Variants in WDR59 observed in about 807,000 individuals in gnomAD.
WDR59 encodes the protein WD repeat domain 59, also known as GATOR2 complex protein WDR59.
In WDR59, 100 loss-of-function variants were observed where a neutral mutation model predicts 131.2. The observed-to-expected ratio is 0.76, with a 90% CI of 0.65 to 0.90. The LOEUF (loss-of-function observed/expected upper bound fraction) is 0.90. Among genes scored for constraint, WDR59 ranks in the 40% least tolerant of loss-of-function variants. The probability of loss-of-function intolerance (pLI) is 0.00; values close to 1 mark genes in which losing one functional copy is unlikely to be tolerated. For synonymous variants in WDR59, 601 were observed against 466.2 expected, an observed-to-expected ratio of 1.29 and a Z score of -3.72; for missense variants, 1,203 against 1,262.2, an observed-to-expected ratio of 0.95 and a Z score of 0.71.
rs1488048351 is a variant in WDR59, at chr16:74,889,747, T to C, written c.2151A>G (p.Thr717=). 6.2e-7 allele frequency: 1 copy of C among 1,614,108 alleles called. No homozygotes were observed. Among genetic ancestry groups the C allele is most frequent in the Non-Finnish European group, 8.5e-7 (1 of 1,180,014 alleles). ...GCCCAAATGGATGTCGAGCCCAGGG[T>C]GTTTCCAAATCTGGGTCAGATTTCG... is the stretch of plus-strand genomic sequence containing the variant. The part of the protein sequence containing the change: ...LGPKSDPDLE[T]PWARHPFGRQ... Residue 717 remains threonine, a synonymous_variant, in exon 21 of 26, where the codon ACA becomes ACG. Coordinates refer to ENST00000262144, the MANE Select transcript of WDR59 (RefSeq NM_030581.4).
intron 8 of WDR59, among the ~76,000 whole-genome samples, chr16:74,931,734 C>G (rs1161198335): frequency 6.6e-6 from 1 of 151,548 alleles, no homozygotes; most frequent in Non-Finnish European, 1.5e-5. Flanking sequence ...ATTAGCCAGG[C>G]ATTGTGGCTT....
At chr16:74,963,997 G>T (rs1227130395) in intron 2 of WDR59, among the ~76,000 whole-genome samples, 2 of 151,790 alleles carry the variant, frequency 1.3e-5, no homozygotes, top group East Asian at 3.9e-4. Context: ...TTCAAGACCA[G>T]CCTGGGCAAC....
At chr16:74,949,415 A>T (rs1597782123) in intron 5 of WDR59, among the ~76,000 whole-genome samples, 1 of 127,458 alleles carries the variant, frequency 7.8e-6, no homozygotes, top group Non-Finnish European at 1.6e-5. Flanking sequence ...GGTGAAAATG[A>T]GGGAGGAAAG....
At chr16:74,913,602 C>T (rs1247313577) in intron 13 of WDR59, among the ~76,000 whole-genome samples, 1 of 152,100 alleles carries the variant, frequency 6.6e-6, no homozygotes, top group Non-Finnish European at 1.5e-5. Flanking sequence ...AGTATTCTGA[C>T]TTTAACAAAG....
intron 1 of WDR59, among the ~76,000 whole-genome samples, chr16:74,971,466 T>C (rs1377219580): frequency 1.5e-5 from 2 of 137,302 alleles, no homozygotes; most frequent in African/African-American, 2.7e-5. Context: ...GGAGTCTTGC[T>C]CTGTCACCCA....
chr16:74,935,932 G>A (rs1015718833), intron 8 of WDR59, among the ~76,000 whole-genome samples: 1 of 151,706 alleles, frequency 6.6e-6, no homozygotes, highest in Admixed American at 6.6e-5. Context: ...GGGAGACGGA[G>A]GTTGCAGTGA....
At chr16:74,956,832 G>C (rs1027959898) in intron 2 of WDR59, among the ~76,000 whole-genome samples, 3 of 152,148 alleles carry the variant, frequency 2.0e-5, no homozygotes, top group Admixed American at 2.0e-4. Context: ...CCCACCTCCA[G>C]AGATGGCCTT....
intron 8 of WDR59, among the ~76,000 whole-genome samples, chr16:74,929,912 G>C (rs1386694189): frequency 6.6e-6 from 1 of 152,192 alleles, no homozygotes. Context: ...ATTATGTTCA[G>C]TGAAACAAGC....
chr16:74,936,052 C>T (rs1462471434), intron 8 of WDR59, among the ~76,000 whole-genome samples: 1 of 151,576 alleles, frequency 6.6e-6, no homozygotes, highest in Non-Finnish European at 1.5e-5. Flanking sequence ...AATCAAATAC[C>T]ATGCCAAAAA....
chr16:74,902,577 GA>G (rs1295480799), intron 18 of WDR59, among the ~76,000 whole-genome samples: 1 of 152,010 alleles, frequency 6.6e-6, no homozygotes, highest in Non-Finnish European at 1.5e-5. Context: ...TGCCCAATCT[GA>G]ACCCAAGCAT....
At chr16:74,923,153 T>TA (rs2030420795) in intron 9 of WDR59, among the ~76,000 whole-genome samples, 1 of 152,024 alleles carries the variant, frequency 6.6e-6, no homozygotes, top group South Asian at 2.1e-4. Flanking sequence ...ATCACAATTT[T>TA]AAAAAAAGGA....
intron 17 of WDR59, among the ~76,000 whole-genome samples, chr16:74,906,174 C>T (rs779187899): frequency 1.9e-4 from 29 of 151,382 alleles, no homozygotes; most frequent in Non-Finnish European, 2.8e-4. Context: ...ATTAGCCGGG[C>T]GTGGTGGCGG....
intron 1 of WDR59, chr16:74,984,701 G>C: frequency 3.7e-6 from 2 of 545,196 alleles, no homozygotes; most frequent in Non-Finnish European, 6.6e-6. Context: ...ACGATGCGCA[G>C]TCTCTGCCTC....
chr16:74,901,562 G>A (rs770535332), intron 18 of WDR59, among the ~76,000 whole-genome samples: 4 of 151,282 alleles, frequency 2.6e-5, no homozygotes, highest in South Asian at 2.1e-4. Flanking sequence ...AGGATCACTC[G>A]AGCCCAGGAG....
At chr16:74,904,188 G>T in intron 17 of WDR59, 88 bp from the exon 18 acceptor site, 1 of 1,477,780 alleles carries the variant, frequency 6.8e-7, no homozygotes. Context: ...ATACCAAAAG[G>T]AGAAGACAAA....
At chr16:74,887,555 C>A in intron 23 of WDR59, 128 bp downstream of exon 23, 1 of 885,484 alleles carries the variant, frequency 1.1e-6, no homozygotes, top group Non-Finnish European at 1.7e-6. Flanking sequence ...GTATCCCTAT[C>A]ACAGTAAATG....
chr16:74,924,999 G>A (rs8046943), intron 8 of WDR59, among the ~76,000 whole-genome samples: 151,677 of 152,248 alleles, frequency 1, 75,558 homozygotes, highest in Middle Eastern at 1. Context: ...ACTGCCCTAG[G>A]AAATTGAAAG....
chr16:74,930,590 T>C (rs1432178709), intron 8 of WDR59, among the ~76,000 whole-genome samples: 3 of 151,766 alleles, frequency 2.0e-5, no homozygotes, highest in South Asian at 4.2e-4. Context: ...TTAATTAATA[T>C]ATAAACACAG....
intron 6 of WDR59, among the ~76,000 whole-genome samples, chr16:74,945,128 A>G (rs554119508): frequency 6.6e-6 from 1 of 151,902 alleles, no homozygotes; most frequent in East Asian, 1.9e-4. Context: ...CATCTCAAAT[A>G]AAAAAAGAAC....
Sources: allele counts gnomAD v4.1 joint callset (sites outside exome capture counted in the v4.1 genomes callset), GRCh38; gene constraint gnomAD v4.1.1; transcripts MANE v1.5; gene names NCBI Gene and HGNC (gene_info 2026-07-23, HGNC 2026-07-21).